Variants in TMEM178B observed in about 807,000 individuals in gnomAD.
TMEM178B encodes transmembrane protein 178B.
Under a neutral mutation model 31.0 loss-of-function variants are expected in TMEM178B, and 5 were observed. The observed-to-expected ratio is 0.16, with a 90% CI of 0.08 to 0.34. The LOEUF (loss-of-function observed/expected upper bound fraction) is 0.34, where lower values mean the gene tolerates loss of function less well. Among genes scored for constraint, TMEM178B ranks in the 10% least tolerant of loss-of-function variants. The pLI is 1.00. For missense variants in TMEM178B, 275 were observed against 400.3 expected (o/e 0.69, Z 2.67); for synonymous variants, 164 against 164.0 (o/e 1.00, Z 0.00).
chr7:141,189,472 G>A (rs1464210383), intron 1 of TMEM178B, among the ~76,000 whole-genome samples: 3 of 152,216 alleles, frequency 2.0e-5, no homozygotes, highest in Non-Finnish European at 4.4e-5. Context: ...CCTAGGTCTG[G>A]CAGCCAGGGA....
At chr7:141,278,789 T>C (rs1168418285) in intron 2 of TMEM178B, among the ~76,000 whole-genome samples, 1 of 152,074 alleles carries the variant, frequency 6.6e-6, no homozygotes, top group Non-Finnish European at 1.5e-5. Flanking sequence ...GAGGTCCGTC[T>C]AGTTAGCCTG....
intron 2 of TMEM178B, among the ~76,000 whole-genome samples, chr7:141,304,902 C>G (rs895653478): frequency 2.6e-5 from 4 of 152,156 alleles, no homozygotes; most frequent in African/African-American, 9.7e-5. Flanking sequence ...TTCACAATCT[C>G]CTTACTACAC....
intron 1 of TMEM178B, among the ~76,000 whole-genome samples, chr7:141,148,200 ATCT>A (rs1167282474): frequency 6.6e-6 from 1 of 152,110 alleles, no homozygotes; most frequent in Admixed American, 6.5e-5. Flanking sequence ...ATTGTCCATC[ATCT>A]TCTCCAACTT....
chr7:141,418,230 C>T (rs1586947058), intron 2 of TMEM178B, among the ~76,000 whole-genome samples: 1 of 152,290 alleles, frequency 6.6e-6, no homozygotes, highest in Non-Finnish European at 1.5e-5. Flanking sequence ...CATTTCCCTC[C>T]TCTTCTCTCC....
intron 2 of TMEM178B, among the ~76,000 whole-genome samples, chr7:141,365,030 G>A (rs777760711): frequency 1.3e-5 from 2 of 152,236 alleles, no homozygotes; most frequent in African/African-American, 2.4e-5. Context: ...TGGACTAAAC[G>A]AAACACATCT....
intron 1 of TMEM178B, among the ~76,000 whole-genome samples, chr7:141,085,883 G>T (rs540868098): frequency 5.3e-5 from 8 of 151,996 alleles, no homozygotes; most frequent in Non-Finnish European, 1.0e-4. Context: ...TTATGAGCAC[G>T]TGAAGCCCAT....
chr7:141,462,715 A>G (rs1222381872), intron 3 of TMEM178B, among the ~76,000 whole-genome samples: 1 of 152,136 alleles, frequency 6.6e-6, no homozygotes, highest in Non-Finnish European at 1.5e-5. Flanking sequence ...CGGAGGAGGC[A>G]GCTATGTTTG....
intron 1 of TMEM178B, among the ~76,000 whole-genome samples, chr7:141,115,590 G>A (rs1303111447): frequency 1.3e-5 from 2 of 152,222 alleles, no homozygotes; most frequent in East Asian, 3.8e-4. Flanking sequence ...ATTGGATGGA[G>A]AAGGGAGAGA....
rs1799934950 is a variant in TMEM178B at position 141,362,595 on chromosome 7, T to C, written c.497-75013T>C. ...GCTCTGTGGAACAAGGAGGACTAGA[T>C]AATTTTATGATGAAAGTGTCAAATC... On this transcript the variant is annotated intron_variant, in intron 2 of 3. Coordinates refer to ENST00000565468, the MANE Select transcript of TMEM178B (RefSeq NM_001195278.2). Among the ~76,000 whole-genome samples, 3 of 152,290 alleles carry C rather than the reference T, an allele frequency of 2.0e-5. No individual in the cohort carries two copies. The Middle Eastern group carries it at 0.01, about 518-fold the overall frequency.
intron 2 of TMEM178B, among the ~76,000 whole-genome samples, chr7:141,317,411 A>C (rs989878357): frequency 6.6e-6 from 1 of 152,204 alleles, no homozygotes; most frequent in Non-Finnish European, 1.5e-5. Context: ...CAGGTGCATC[A>C]GTGAGAACAG....
chr7:141,184,356 C>T (rs1285336060), intron 1 of TMEM178B, among the ~76,000 whole-genome samples: 3 of 152,126 alleles, frequency 2.0e-5, no homozygotes, highest in African/African-American at 4.8e-5. Flanking sequence ...TCTTTAGGGA[C>T]CCTCAAATTC....
chr7:141,183,039 T>A (rs1263656716), intron 1 of TMEM178B, among the ~76,000 whole-genome samples: 1 of 152,262 alleles, frequency 6.6e-6, no homozygotes, highest in Non-Finnish European at 1.5e-5. Context: ...ATTTTGTCAC[T>A]AATCAGACCT....
intron 3 of TMEM178B, 141 bp downstream of exon 3, chr7:141,437,886 A>G (rs1801578252): frequency 1.6e-6 from 2 of 1,251,834 alleles, no homozygotes; most frequent in Non-Finnish European, 2.2e-6. Flanking sequence ...GTTCACAAGC[A>G]CTTCTTGAGT....
At chr7:141,385,867 C>T (rs1284629593) in intron 2 of TMEM178B, among the ~76,000 whole-genome samples, 1 of 152,224 alleles carries the variant, frequency 6.6e-6, no homozygotes, top group Non-Finnish European at 1.5e-5. Context: ...TCTCTCTACA[C>T]CACCCTAACT....
At chr7:141,221,867 G>T (rs907462827) in intron 2 of TMEM178B, among the ~76,000 whole-genome samples, 3 of 152,232 alleles carry the variant, frequency 2.0e-5, no homozygotes, top group Admixed American at 2.0e-4. Context: ...GGGGTCGATT[G>T]CCTGGAAGTG....
chr7:141,465,908 AG>A lies in TMEM178B; in HGVS notation c.635-4627del, dbSNP rs940947375. Among the ~76,000 whole-genome samples, 131 of 152,286 alleles carry A rather than the reference AG, an allele frequency of 8.6e-4. 1 individual carries two copies. The highest frequency in any genetic ancestry group is 3.1e-3 in the African/African-American group (129 of 41,574). On this transcript the variant is annotated intron_variant, in intron 3 of 3. Coordinates refer to ENST00000565468, the MANE Select transcript of TMEM178B (RefSeq NM_001195278.2). ...CATGGTGGCATGCACCTGTAGTCCC[AG>A]CTACTAGGGAGGCTGAGGTGGGAAG...
At chr7:141,166,631 C>G (rs1796266565) in intron 1 of TMEM178B, among the ~76,000 whole-genome samples, 1 of 152,240 alleles carries the variant, frequency 6.6e-6, no homozygotes, top group South Asian at 2.1e-4. Context: ...CCCAGGAGAC[C>G]CACAGGAACG....
chr7:141,139,016 C>G (rs1323073132), intron 1 of TMEM178B, among the ~76,000 whole-genome samples: 1 of 151,734 alleles, frequency 6.6e-6, no homozygotes, highest in African/African-American at 2.4e-5. Flanking sequence ...TGGTTCCCCA[C>G]TTTCTTTTTA....
rs186871187 is a variant in TMEM178B, at chr7:141,323,354, A to G, written c.496+110650A>G. Among the ~76,000 whole-genome samples the G allele has an allele frequency of 4.9e-4, 74 of 152,350 alleles. 1 individual carries two copies. In the East Asian group the frequency reaches 0.012, roughly 25 times the overall value. On this transcript the variant is annotated intron_variant, in intron 2 of 3. Transcript: ENST00000565468. ...ATACAAATGGAGTTTTATAATAAAC[A>G]TATGAGATACATACATGTTTCAAGC...
Sources: allele counts gnomAD v4.1 joint callset (sites outside exome capture counted in the v4.1 genomes callset), GRCh38; gene constraint gnomAD v4.1.1; transcripts MANE v1.5; gene names NCBI Gene and HGNC (gene_info 2026-07-23, HGNC 2026-07-21).